CHCHD3: variants seen among roughly 807,000 people sequenced by gnomAD.
CHCHD3 encodes coiled-coil-helix-coiled-coil-helix domain containing 3.
A neutral mutation model predicts 38.2 loss-of-function variants in CHCHD3; 20 were observed. That is an observed-to-expected ratio of 0.52 (90% CI 0.37 to 0.76). CHCHD3 has a LOEUF of 0.76. Among genes scored for constraint, CHCHD3 ranks in the 30% least tolerant of loss-of-function variants. The pLI, the probability that CHCHD3 is intolerant of heterozygous loss-of-function variation, is 0.00. For missense variants in CHCHD3, 245 were observed against 279.2 expected (o/e 0.88, Z 0.87); for synonymous variants, 82 against 100.0 (o/e 0.82, Z 1.07).
At chr7:132,791,943 G>A (rs1469188406) in intron 7 of CHCHD3, among the ~76,000 whole-genome samples, 3 of 152,068 alleles carry the variant, frequency 2.0e-5, no homozygotes. Flanking sequence ...TCTGAGGTGG[G>A]GCTGTCTCAT....
intron 4 of CHCHD3, among the ~76,000 whole-genome samples, chr7:132,956,944 G>A (rs1231902023): frequency 1.3e-5 from 2 of 152,192 alleles, no homozygotes; most frequent in East Asian, 1.9e-4. Flanking sequence ...TCTGAAGAGC[G>A]ATCTACCCCA....
chr7:132,877,901 A>G (rs1808953636), intron 5 of CHCHD3, among the ~76,000 whole-genome samples: 1 of 152,218 alleles, frequency 6.6e-6, no homozygotes, highest in Non-Finnish European at 1.5e-5. Flanking sequence ...CCAGGAAGTT[A>G]CATTTTTAAC....
intron 6 of CHCHD3, among the ~76,000 whole-genome samples, chr7:132,798,023 G>A (rs981896608): frequency 3.3e-5 from 5 of 151,694 alleles, no homozygotes; most frequent in African/African-American, 1.2e-4. Context: ...AAATTTAATG[G>A]GTTCAAACAA....
chr7:132,979,994 T>C (rs1811877007), intron 3 of CHCHD3, among the ~76,000 whole-genome samples: 1 of 152,208 alleles, frequency 6.6e-6, no homozygotes, highest in Admixed American at 6.5e-5. Context: ...AAACCCCCAA[T>C]TACTTTCAAA....
intron 2 of CHCHD3, among the ~76,000 whole-genome samples, chr7:133,046,083 A>G (rs1323266666): frequency 6.6e-6 from 1 of 152,200 alleles, no homozygotes. Flanking sequence ...TTTTTTAGTG[A>G]GGTCTTACAT....
intron 6 of CHCHD3, among the ~76,000 whole-genome samples, chr7:132,834,861 A>T (rs925662781): frequency 6.6e-6 from 1 of 152,156 alleles, no homozygotes; most frequent in African/African-American, 2.4e-5. Context: ...GATGGTCCAC[A>T]TGATAAACTC....
At chr7:132,994,177 G>A (rs556635920) in intron 3 of CHCHD3, among the ~76,000 whole-genome samples, 1 of 152,170 alleles carries the variant, frequency 6.6e-6, no homozygotes, top group South Asian at 2.1e-4. Flanking sequence ...CCCACTCACT[G>A]TAAGTACTAT....
In CHCHD3 at chr7:133,030,872, G is replaced by A. The variant is rs369503998; in HGVS notation, c.170-6245C>T. ...GCAATTGCTTAGTTCTAGCAAGTGT[G>A]GCTCTAAACCATTTACTTGAAACCA... is the stretch of plus-strand genomic sequence containing the variant. On this transcript the variant is annotated intron_variant, in intron 2 of 7. Transcript: ENST00000262570. 3.9e-5 allele frequency among the ~76,000 whole-genome samples: 6 copies of A among 152,234 alleles called. No individual in the cohort carries two copies. In the South Asian group the frequency reaches 1.0e-3, roughly 26 times the overall value.
chr7:132,906,030 G>A (rs1265599695), intron 4 of CHCHD3, among the ~76,000 whole-genome samples: 1 of 152,184 alleles, frequency 6.6e-6, no homozygotes, highest in African/African-American at 2.4e-5. Flanking sequence ...TGCAAAGAGA[G>A]TGGATGTTAA....
chr7:132,974,999 G>T (rs1811724015), intron 4 of CHCHD3, among the ~76,000 whole-genome samples, 170 bp downstream of exon 4: 2 of 152,148 alleles, frequency 1.3e-5, no homozygotes, highest in Admixed American at 1.3e-4. Context: ...GTCCTTGATG[G>T]TTAAACCTAA....
chr7:132,911,629 G>A (rs996956996), intron 4 of CHCHD3, among the ~76,000 whole-genome samples: 8 of 152,178 alleles, frequency 5.3e-5, no homozygotes, highest in African/African-American at 1.7e-4. Flanking sequence ...AACTTACCTT[G>A]GGTCATCCCA....
intron 4 of CHCHD3, among the ~76,000 whole-genome samples, chr7:132,939,372 A>G (rs966278471): frequency 1.9e-4 from 29 of 152,286 alleles, no homozygotes; most frequent in Non-Finnish European, 3.5e-4. Flanking sequence ...ATACAAGTAT[A>G]CCATTTTTAT....
intron 4 of CHCHD3, among the ~76,000 whole-genome samples, chr7:132,903,018 T>A (rs1809708531): frequency 6.6e-6 from 1 of 152,108 alleles, no homozygotes; most frequent in African/African-American, 2.4e-5. Flanking sequence ...ATTTTTAACA[T>A]CCTTTGTCAC....
intron 5 of CHCHD3, among the ~76,000 whole-genome samples, chr7:132,869,393 C>T (rs1165788948): frequency 1.3e-5 from 2 of 152,120 alleles, no homozygotes; most frequent in Non-Finnish European, 1.5e-5. Flanking sequence ...CAGCTCTGTT[C>T]TTTTTTTAAA....
chr7:132,941,596 T>C (rs574677113), intron 4 of CHCHD3, among the ~76,000 whole-genome samples: 23 of 152,102 alleles, frequency 1.5e-4, no homozygotes, highest in Non-Finnish European at 3.1e-4. Flanking sequence ...TTATACTGGG[T>C]TCCTTATATT....
At chr7:133,047,087 G>A (rs1044304504) in intron 2 of CHCHD3, among the ~76,000 whole-genome samples, 7 of 152,164 alleles carry the variant, frequency 4.6e-5, no homozygotes, top group African/African-American at 1.7e-4. Context: ...GAGCTGCTGG[G>A]ATATGCTAAT....
intron 3 of CHCHD3, among the ~76,000 whole-genome samples, chr7:132,977,150 C>T (rs1209876009): frequency 6.6e-6 from 1 of 152,150 alleles, no homozygotes; most frequent in Non-Finnish European, 1.5e-5. Context: ...TGTAAGAGAA[C>T]AGCAATAATT....
chr7:132,821,078 G>T (rs964731897), intron 6 of CHCHD3, among the ~76,000 whole-genome samples: 1 of 151,994 alleles, frequency 6.6e-6, no homozygotes, highest in African/African-American at 2.4e-5. Flanking sequence ...CTTTTAAGAG[G>T]CCTGGTATAC....
In CHCHD3 at chr7:132,830,300, A is replaced by C. The variant is rs114450643; in HGVS notation, c.524+8099T>G. ...CTTGGTGGGAGGTGGACAGACAAAC[A>C]AACCAGGCAGATTGACAGCTTGGGA... On this transcript the variant is annotated intron_variant, in intron 6 of 7. Coordinates refer to ENST00000262570, the MANE Select transcript of CHCHD3 (RefSeq NM_017812.4). 2.9e-3 allele frequency among the ~76,000 whole-genome samples: 444 copies of C among 152,306 alleles called. 1 individual carries two copies. Among genetic ancestry groups the C allele is most frequent in the African/African-American group, 0.01 (425 of 41,576 alleles).
Sources: gnomAD v4.1 joint callset for allele counts (sites outside exome capture counted in the v4.1 genomes callset) on GRCh38, gnomAD v4.1.1 for gene constraint, MANE v1.5 for transcripts, NCBI Gene and HGNC (gene_info 2026-07-23, HGNC 2026-07-21) for gene names.